The following SLC15A2 variants were observed in gnomAD, a reference collection of about 807,000 sequenced individuals.
SLC15A2 encodes kidney H(+)/peptide cotransporter.
Under a neutral mutation model 95.5 loss-of-function variants are expected in SLC15A2, and 77 were observed. The observed-to-expected ratio is 0.81, with a 90% CI of 0.67 to 0.97. The LOEUF (loss-of-function observed/expected upper bound fraction) is 0.97. Among genes scored for constraint, SLC15A2 ranks in the 50% least tolerant of loss-of-function variants. SLC15A2 has a pLI of 0.00. For missense variants in SLC15A2, 893 were observed against 874.4 expected (o/e 1.02, Z -0.27); for synonymous variants, 306 against 306.9 (o/e 1.00, Z 0.03).
At chr3:121,915,004 A>C (rs1168038861) in intron 5 of SLC15A2, 1 of 1,307,798 alleles carries the variant, frequency 7.6e-7, no homozygotes. Flanking sequence ...ATGAAAAGGG[A>C]GGAAAAGAAT....
intron 19 of SLC15A2, among the ~76,000 whole-genome samples, chr3:121,933,294 G>A (rs75557865): frequency 0.42 from 62,714 of 151,010 alleles, 13,573 homozygotes; most frequent in East Asian, 0.69. Flanking sequence ...GGATGGCTGG[G>A]TCAAATAGTA....
At chr3:121,915,796 C>G in intron 7 of SLC15A2, 103 bp downstream of exon 7, 1 of 798,094 alleles carries the variant, frequency 1.3e-6, no homozygotes, top group East Asian at 2.5e-5. Flanking sequence ...ATCCTCACAC[C>G]AGGCCTATTG....
chr3:121,900,266 A>G (rs901052879), intron 3 of SLC15A2, among the ~76,000 whole-genome samples: 5 of 152,096 alleles, frequency 3.3e-5, no homozygotes, highest in African/African-American at 9.7e-5. Flanking sequence ...AATTCTACCA[A>G]TTCTGCTTGC....
In SLC15A2 at chr3:121,939,481, TTTTCTTATTCTCAGGTAAG is replaced by T; in HGVS notation, c.1898_1908+8del. 6.7e-7 allele frequency: 1 copy of T among 1,500,200 alleles called. No homozygotes were observed. The highest frequency in any genetic ancestry group is 8.9e-7 in the Non-Finnish European group (1 of 1,124,746). 92.9% of individuals were successfully genotyped at this position (1,500,200 alleles called of 1,614,324 possible). A position where few individuals can be genotyped will look rare whatever the true frequency, so the allele number is the denominator to read the frequency against. Reference sequence around the variant, plus strand: ...CATGTTCTCTGTCACAGGTCTTGAGTTTTCTTATTCTCAGGTAAGTTTTTGCAAATAGAAGGTAGAAATT... The same window carrying T: ...CATGTTCTCTGTCACAGGTCTTGAGTTTTTTGCAAATAGAAGGTAGAAATT... On this transcript the variant is annotated splice_donor_variant and splice_donor_5th_base_variant and coding_sequence_variant and intron_variant, in exon 20 of 22. Coordinates refer to ENST00000489711, the MANE Select transcript of SLC15A2 (RefSeq NM_021082.4). LOFTEE classifies it high-confidence loss of function.
At chr3:121,910,000 A>G (rs1387021248) in intron 3 of SLC15A2, among the ~76,000 whole-genome samples, 3 of 151,640 alleles carry the variant, frequency 2.0e-5, no homozygotes, top group East Asian at 1.9e-4. Context: ...TTTTTCCTCT[A>G]TGATGATCTA....
Position 121,933,784 on chromosome 3 carries a change from A to G in SLC15A2, c.1761+2049A>G, listed in dbSNP as rs1471414499. 3.3e-5 allele frequency among the ~76,000 whole-genome samples: 5 copies of G among 149,790 alleles called. No homozygotes were observed. In the East Asian group the frequency reaches 9.8e-4, roughly 29 times the overall value. The stretch of plus-strand genomic sequence containing the variant: ...TAGTTTAATTAGATCCCATTTGTCA[A>G]TTTTGGCTTTTGTTGCCATTGCTTT... On this transcript the variant is annotated intron_variant, in intron 19 of 21. Coordinates refer to ENST00000489711, the MANE Select transcript of SLC15A2 (RefSeq NM_021082.4).
chr3:121,895,480 ATACAT>A (rs1408799174), intron 1 of SLC15A2: 2 of 152,310 alleles, frequency 1.3e-5, no homozygotes, highest in African/African-American at 4.8e-5. Flanking sequence ...TAAAAGAATA[ATACAT>A]TACTTTATTA....
At chr3:121,918,733 A>G (rs2107591439) in intron 7 of SLC15A2, among the ~76,000 whole-genome samples, 1 of 152,350 alleles carries the variant, frequency 6.6e-6, no homozygotes, top group East Asian at 1.9e-4. Context: ...ATTTAGAGTG[A>G]TAAATGTTCC....
At chr3:121,910,921 A>G (rs903555237) in intron 3 of SLC15A2, among the ~76,000 whole-genome samples, 1 of 152,164 alleles carries the variant, frequency 6.6e-6, no homozygotes, top group Non-Finnish European at 1.5e-5. Flanking sequence ...GATTTTTGTC[A>G]CTGGACAGTC....
chr3:121,909,879 T>C (rs911756583), intron 3 of SLC15A2, among the ~76,000 whole-genome samples: 1 of 152,086 alleles, frequency 6.6e-6, no homozygotes, highest in Non-Finnish European at 1.5e-5. Context: ...AGACAATATA[T>C]CTTCCAATGT....
In SLC15A2 at chr3:121,924,381, C is replaced by G. The variant is rs138914589; in HGVS notation, c.1033C>G (p.Gln345Glu). 229 of 1,613,024 alleles carry G rather than the reference C, an allele frequency of 1.4e-4. 2 individuals carry two copies. The highest frequency in any genetic ancestry group is 3.5e-4 in the South Asian group (32 of 91,048). ...TTTTGTGCTTCAGCCGGACCAGATGCAGGTATGTGACTCTTCTATAGCCAT... is the reference window on the plus strand; with the variant it reads ...TTTTGTGCTTCAGCCGGACCAGATGGAGGTATGTGACTCTTCTATAGCCAT... ...GFFVLQPDQM[Q>E]VLNPLLVLIF... The change falls in exon 12 of 22, where the codon CAG (glutamine) becomes GAG (glutamate). Residue 345 changes from glutamine (Q) to glutamate (E), a missense_variant and splice_region_variant. Transcript: ENST00000489711.
chr3:121,930,576 G>A (rs796755364), intron 17 of SLC15A2, among the ~76,000 whole-genome samples: 41 of 152,268 alleles, frequency 2.7e-4, no homozygotes, highest in Middle Eastern at 3.4e-3. Context: ...GATAGTGTCC[G>A]TCTAGCTAGA....
chr3:121,931,797 C>A, intron 19 of SLC15A2, 62 bp downstream of exon 19: 2 of 967,648 alleles, frequency 2.1e-6, no homozygotes, highest in South Asian at 1.3e-5. Flanking sequence ...CTGAGATCCT[C>A]TAGGCAGGGG....
chr3:121,911,184 C>T (rs115141941), intron 3 of SLC15A2, among the ~76,000 whole-genome samples: 3 of 152,294 alleles, frequency 2.0e-5, no homozygotes, highest in African/African-American at 4.8e-5. Context: ...GTCCAAATAT[C>T]CTCTTCTACT....
At position 121,921,441 on chromosome 3, in the gene SLC15A2, C is replaced by A. The variant is rs1397512945; in HGVS notation, c.698-779C>A. ...GTTCTGGTATCTTCTAGCAGTGTAA[C>A]CTTGTACAAGGTGCTTAATTTCCTT... On this transcript the variant is annotated intron_variant, in intron 7 of 21. Coordinates refer to ENST00000489711, the MANE Select transcript of SLC15A2 (RefSeq NM_021082.4). 2.6e-5 allele frequency among the ~76,000 whole-genome samples: 4 copies of A among 151,590 alleles called. No homozygotes were observed. In the South Asian group the frequency reaches 8.3e-4, roughly 31 times the overall value.
intron 21 of SLC15A2, 87 bp downstream of exon 21, chr3:121,940,575 C>T (rs1710441585): frequency 9.1e-7 from 1 of 1,102,234 alleles, no homozygotes; most frequent in Non-Finnish European, 1.4e-6. Flanking sequence ...TCTCTGCTTC[C>T]CACATTCCCC....
At chr3:121,917,848 G>A (rs913802860) in intron 7 of SLC15A2, among the ~76,000 whole-genome samples, 1 of 152,140 alleles carries the variant, frequency 6.6e-6, no homozygotes, top group African/African-American at 2.4e-5. Context: ...CACAGTAGCT[G>A]TAAGACAAGA....
At chr3:121,930,512 T>C (rs1710210442) in intron 17 of SLC15A2, among the ~76,000 whole-genome samples, 1 of 152,148 alleles carries the variant, frequency 6.6e-6, no homozygotes, top group Non-Finnish European at 1.5e-5. Flanking sequence ...GGAAATAAAT[T>C]AGATGCACCT....
At chr3:121,927,021 A>G (rs192985949) in intron 13 of SLC15A2, among the ~76,000 whole-genome samples, 20 of 152,344 alleles carry the variant, frequency 1.3e-4, no homozygotes, top group Admixed American at 1.3e-3. Flanking sequence ...TGGAATGGGA[A>G]TGTTTACCCA....
Sources: allele counts gnomAD v4.1 joint callset (sites outside exome capture counted in the v4.1 genomes callset), GRCh38; gene constraint gnomAD v4.1.1; transcripts MANE v1.5; gene names NCBI Gene and HGNC (gene_info 2026-07-23, HGNC 2026-07-21).